CORIN: variants seen among roughly 807,000 people sequenced by gnomAD.
CORIN encodes corin, serine peptidase.
In CORIN, 117 loss-of-function variants were observed where a neutral mutation model predicts 125.3. The observed-to-expected ratio is 0.93, with a 90% CI of 0.80 to 1.09. The LOEUF is 1.09. CORIN is among the 50% of genes least tolerant of loss of function. CORIN has a pLI of 0.00. For synonymous variants in CORIN, 450 were observed against 466.4 expected (o/e 0.96, Z 0.45); for missense variants, 1,253 against 1,306.7 (o/e 0.96, Z 0.63).
chr4:47,692,268 C>T (rs185308586), intron 6 of CORIN, among the ~76,000 whole-genome samples: 168 of 152,286 alleles, frequency 1.1e-3, no homozygotes, highest in African/African-American at 3.9e-3. Flanking sequence ...ATACAGATTA[C>T]TCAGTGTAAT....
At chr4:47,722,348 C>CCTAT (rs2109799452) in intron 5 of CORIN, among the ~76,000 whole-genome samples, 1 of 152,282 alleles carries the variant, frequency 6.6e-6, no homozygotes, top group East Asian at 1.9e-4. Context: ...TCTATCATTG[C>CCTAT]CTATCTGAGG....
intron 19 of CORIN, among the ~76,000 whole-genome samples, chr4:47,609,296 A>G (rs563544501): frequency 2.5e-4 from 38 of 152,056 alleles, no homozygotes; most frequent in Non-Finnish European, 4.1e-4. Flanking sequence ...CTGAAGTGCA[A>G]TGGCGCAATC....
chr4:47,723,541 G>T (rs1014017395), intron 5 of CORIN, among the ~76,000 whole-genome samples: 6 of 152,136 alleles, frequency 3.9e-5, no homozygotes, highest in Non-Finnish European at 7.3e-5. Context: ...CCCTTAGAAG[G>T]CATAATGTGA....
rs886317324 is a variant in CORIN, at chr4:47,610,103, C to A, written c.2541-6435G>T. On this transcript the variant is annotated intron_variant, in intron 19 of 21. Coordinates refer to ENST00000273857, the MANE Select transcript of CORIN (RefSeq NM_006587.4). ...TCTTCATAATAGAATGACTTATATT[C>A]CTTTGGGTATATACCCAGTAATGGG... 2.0e-5 allele frequency among the ~76,000 whole-genome samples: 3 copies of A among 152,238 alleles called. No individual in the cohort carries two copies. The East Asian group carries it at 5.8e-4, about 29-fold the overall frequency.
chr4:47,757,867 CATATATATATGTATATATATATATATAT>C (rs1729232831), intron 4 of CORIN, among the ~76,000 whole-genome samples: 3 of 91,746 alleles, frequency 3.3e-5, no homozygotes, highest in South Asian at 3.4e-4. Flanking sequence ...CATATATATA[CATATATATATGTATATATATATATATAT>C]ATATATATAT....
At chr4:47,732,734 A>G (rs1291279827) in intron 5 of CORIN, among the ~76,000 whole-genome samples, 1 of 151,880 alleles carries the variant, frequency 6.6e-6, no homozygotes, top group Non-Finnish European at 1.5e-5. Flanking sequence ...CGGCTTTTTT[A>G]TATTTTTAGT....
intron 5 of CORIN, among the ~76,000 whole-genome samples, chr4:47,709,229 A>G (rs1201714140): frequency 1.3e-5 from 2 of 152,250 alleles, no homozygotes; most frequent in Admixed American, 6.5e-5. Flanking sequence ...CTGAACAGAT[A>G]GATAAATCCT....
intron 2 of CORIN, among the ~76,000 whole-genome samples, chr4:47,797,354 T>G (rs1460637654): frequency 6.6e-6 from 1 of 151,738 alleles, no homozygotes; most frequent in Non-Finnish European, 1.5e-5. Flanking sequence ...TGTTGTCACA[T>G]GAAGGCAGCA....
chr4:47,597,507 G>A (rs1577722935), intron 21 of CORIN, among the ~76,000 whole-genome samples: 1 of 152,230 alleles, frequency 6.6e-6, no homozygotes, highest in East Asian at 1.9e-4. Flanking sequence ...CTGCCTAAGA[G>A]CCTAATTGAA....
chr4:47,712,106 T>G (rs1726869968), intron 5 of CORIN, among the ~76,000 whole-genome samples: 1 of 152,236 alleles, frequency 6.6e-6, no homozygotes, highest in South Asian at 2.1e-4. Flanking sequence ...ATAATATATG[T>G]TAACAATTAA....
intron 5 of CORIN, among the ~76,000 whole-genome samples, chr4:47,730,584 C>T (rs756911184): frequency 2.0e-5 from 3 of 152,168 alleles, no homozygotes; most frequent in Non-Finnish European, 4.4e-5. Context: ...TCTTGCAGGC[C>T]TCTGCACCTG....
At chr4:47,818,475 TC>T (rs1206445076) in intron 1 of CORIN, among the ~76,000 whole-genome samples, 1 of 152,136 alleles carries the variant, frequency 6.6e-6, no homozygotes, top group Non-Finnish European at 1.5e-5. Context: ...GAATTGTCTG[TC>T]CCCAAAAGGT....
At chr4:47,773,294 C>A (rs1730143850) in intron 3 of CORIN, among the ~76,000 whole-genome samples, 1 of 152,138 alleles carries the variant, frequency 6.6e-6, no homozygotes, top group Admixed American at 6.5e-5. Flanking sequence ...ATTGTAAAAT[C>A]CACTACCTCA....
chr4:47,793,228 A>G (rs181158346), intron 2 of CORIN, among the ~76,000 whole-genome samples: 63 of 152,224 alleles, frequency 4.1e-4, no homozygotes, highest in African/African-American at 1.5e-3. Context: ...CTCAAGTGGA[A>G]CTGTCTGTCC....
At chr4:47,736,064 T>C (rs935796976) in intron 5 of CORIN, among the ~76,000 whole-genome samples, 17 of 152,140 alleles carry the variant, frequency 1.1e-4, no homozygotes, top group African/African-American at 4.1e-4. Flanking sequence ...AAGTTTTCTC[T>C]ATGAATTCTT....
chr4:47,691,466 C>T (rs996980392), intron 6 of CORIN, among the ~76,000 whole-genome samples: 1 of 152,006 alleles, frequency 6.6e-6, no homozygotes, highest in East Asian at 1.9e-4. Context: ...AATTCCAAGT[C>T]GTAAAACACA....
At chr4:47,767,770 A>G (rs1476619706) in intron 3 of CORIN, among the ~76,000 whole-genome samples, 2 of 152,220 alleles carry the variant, frequency 1.3e-5, no homozygotes, top group East Asian at 3.9e-4. Context: ...ATAAATGCAA[A>G]GGATCATAAG....
At chr4:47,759,818 T>G (rs1729361607) in intron 4 of CORIN, among the ~76,000 whole-genome samples, 1 of 152,228 alleles carries the variant, frequency 6.6e-6, no homozygotes, top group South Asian at 2.1e-4. Flanking sequence ...CATTCAAGTT[T>G]GATCATGAGA....
At chr4:47,717,077 C>T (rs1367165901) in intron 5 of CORIN, among the ~76,000 whole-genome samples, 1 of 152,074 alleles carries the variant, frequency 6.6e-6, no homozygotes, top group Admixed American at 6.6e-5. Context: ...AATACCTACC[C>T]TTGAACAAGA....
Sources: allele counts gnomAD v4.1 joint callset (sites outside exome capture counted in the v4.1 genomes callset), GRCh38; gene constraint gnomAD v4.1.1; transcripts MANE v1.5; gene names NCBI Gene and HGNC (gene_info 2026-07-23, HGNC 2026-07-21).